The following ADK variants were observed in gnomAD, a reference collection of about 807,000 sequenced individuals.
ADK encodes the protein N6,N6-dimethyladenosine kinase.
Under a neutral mutation model 44.7 loss-of-function variants are expected in ADK, and 24 were observed. The observed-to-expected ratio is 0.54, with a 90% CI of 0.39 to 0.76. ADK has a LOEUF of 0.76. Ranked by LOEUF, ADK falls within the 30% of genes least tolerant of loss-of-function variation. The pLI, the probability that ADK is intolerant of heterozygous loss-of-function variation, is 0.00. For missense variants in ADK, 321 were observed against 425.1 expected (o/e 0.76, Z 2.15); for synonymous variants, 128 against 142.6 (o/e 0.90, Z 0.73).
intron 4 of ADK, among the ~76,000 whole-genome samples, chr10:74,347,106 CAAAAAAAAAAAAAAAAA>C (rs58074760): frequency 7.6e-5 from 7 of 92,346 alleles, no homozygotes; most frequent in East Asian, 4.6e-4. Flanking sequence ...CACTCTGTCT[CAAAAAAAAAAAAAAAAA>C]AAAAAAAAAA....
intron 7 of ADK, among the ~76,000 whole-genome samples, chr10:74,563,443 G>A (rs1850534424): frequency 6.6e-6 from 1 of 152,116 alleles, no homozygotes; most frequent in African/African-American, 2.4e-5. Context: ...AATCTCTTCT[G>A]TGTTACTAGT....
At chr10:74,173,741 T>G (rs538747592) in intron 1 of ADK, among the ~76,000 whole-genome samples, 1 of 152,242 alleles carries the variant, frequency 6.6e-6, no homozygotes, top group Admixed American at 6.5e-5. Flanking sequence ...AATTTGAAAA[T>G]TTTAATGTTA....
At chr10:74,321,698 T>C (rs1840814505) in intron 4 of ADK, among the ~76,000 whole-genome samples, 1 of 152,210 alleles carries the variant, frequency 6.6e-6, no homozygotes, top group Admixed American at 6.5e-5. Context: ...ATTTTAACCA[T>C]GTTGTTTCAT....
Position 74,573,076 on chromosome 10 carries a change from G to A in ADK, c.727-16206G>A, listed in dbSNP as rs376651150. On this transcript the variant is annotated intron_variant, in intron 7 of 10. Transcript: ENST00000539909. Reference sequence around the variant, plus strand: ...TGCGTTCCTTTGGAGGAGGAGAGGCGCTCTGCTTTTTAGAGTTTCCAGTTT... The same window carrying A: ...TGCGTTCCTTTGGAGGAGGAGAGGCACTCTGCTTTTTAGAGTTTCCAGTTT... Among the ~76,000 whole-genome samples, 472 of 152,202 alleles carry A rather than the reference G, an allele frequency of 3.1e-3. 6 individuals are homozygous for A. The highest frequency in any genetic ancestry group is 8.5e-3 in the East Asian group (44 of 5,176).
chr10:74,556,145 C>T (rs1850236121), intron 7 of ADK, among the ~76,000 whole-genome samples: 1 of 152,166 alleles, frequency 6.6e-6, no homozygotes, highest in African/African-American at 2.4e-5. Flanking sequence ...TTTGTTATTG[C>T]AGCTCCGGGG....
At chr10:74,666,519 A>G (rs1019041780) in intron 9 of ADK, among the ~76,000 whole-genome samples, 1 of 152,160 alleles carries the variant, frequency 6.6e-6, no homozygotes, top group African/African-American at 2.4e-5. Context: ...TTGAGAAATA[A>G]ATGCTACGAA....
intron 3 of ADK, among the ~76,000 whole-genome samples, chr10:74,274,910 A>T (rs1286240766): frequency 1.3e-5 from 2 of 151,512 alleles, no homozygotes; most frequent in Non-Finnish European, 2.9e-5. Context: ...TACGTTTTTG[A>T]TATGGTACTC....
intron 7 of ADK, among the ~76,000 whole-genome samples, chr10:74,549,446 T>G (rs1280187405): frequency 6.6e-6 from 1 of 152,206 alleles, no homozygotes; most frequent in Admixed American, 6.5e-5. Context: ...TTTATTTATT[T>G]ATTTAGAGAC....
chr10:74,409,576 G>T (rs1844090766), intron 6 of ADK, among the ~76,000 whole-genome samples: 1 of 151,880 alleles, frequency 6.6e-6, no homozygotes, highest in African/African-American at 2.4e-5. Flanking sequence ...TCTTATTACA[G>T]GTCTTCTCTT....
At chr10:74,335,358 A>G (rs1841370118) in intron 4 of ADK, among the ~76,000 whole-genome samples, 1 of 152,156 alleles carries the variant, frequency 6.6e-6, no homozygotes, top group Non-Finnish European at 1.5e-5. Context: ...AAATGGAATC[A>G]TGTTGTGCAT....
chr10:74,262,331 CAAAA>C (rs1485206688), intron 3 of ADK, among the ~76,000 whole-genome samples: 5 of 135,030 alleles, frequency 3.7e-5, no homozygotes, highest in Non-Finnish European at 8.1e-5. Flanking sequence ...AAAAAAAAAA[CAAAA>C]AAACTCCTCA....
intron 1 of ADK, chr10:74,176,791 G>C: frequency 6.3e-7 from 1 of 1,593,492 alleles, no homozygotes; most frequent in Non-Finnish European, 8.5e-7. Context: ...CCGGGAAGCA[G>C]TTGCTGTGGT....
chr10:74,548,836 A>C (rs1165619654), intron 7 of ADK, among the ~76,000 whole-genome samples: 9 of 152,368 alleles, frequency 5.9e-5, no homozygotes, highest in Admixed American at 5.2e-4. Context: ...ACTATAAATA[A>C]AGCCAGGCAA....
intron 6 of ADK, among the ~76,000 whole-genome samples, chr10:74,498,057 T>G (rs1191599471): frequency 6.6e-6 from 1 of 151,910 alleles, no homozygotes; most frequent in East Asian, 1.9e-4. Context: ...GCCCGGCTAA[T>G]TTTTTGTATT....
chr10:74,642,359 ATT>A (rs59316334), intron 9 of ADK, among the ~76,000 whole-genome samples: 56,824 of 133,894 alleles, frequency 0.42, 12,799 homozygotes, highest in East Asian at 0.76. Flanking sequence ...GATGCACTCA[ATT>A]TTTTTTTTTT....
At chr10:74,164,914 C>T (rs554922505) in intron 1 of ADK, among the ~76,000 whole-genome samples, 1 of 152,292 alleles carries the variant, frequency 6.6e-6, no homozygotes, top group Non-Finnish European at 1.5e-5. Flanking sequence ...TAAGTGTTTT[C>T]TTTGTTTCCC....
intron 3 of ADK, among the ~76,000 whole-genome samples, chr10:74,268,625 T>C (rs1846306884): frequency 6.6e-6 from 1 of 152,200 alleles, no homozygotes. Flanking sequence ...TACCCAGACA[T>C]GTTTGGATTT....
intron 8 of ADK, among the ~76,000 whole-genome samples, chr10:74,595,685 T>TTGGAAC (rs764559326): frequency 1 from 126,596 of 126,618 alleles, 63,287 homozygotes; most frequent in Middle Eastern, 1. Context: ...GCCATATCAG[T>TTGGAAC]TCAACAGATT....
chr10:74,162,590 G>C (rs920205239), intron 1 of ADK, among the ~76,000 whole-genome samples: 1 of 150,874 alleles, frequency 6.6e-6, no homozygotes, highest in African/African-American at 2.4e-5. Flanking sequence ...TGTCGCCCAG[G>C]CTAGAGTGCA....
Sources: allele counts gnomAD v4.1 joint callset (sites outside exome capture counted in the v4.1 genomes callset), GRCh38; gene constraint gnomAD v4.1.1; transcripts MANE v1.5; gene names NCBI Gene and HGNC (gene_info 2026-07-23, HGNC 2026-07-21).